Variants in DAB1 observed in about 807,000 individuals in gnomAD.
DAB1 encodes the protein disabled homolog 1.
DAB1 carries 15 observed loss-of-function variants against 64.6 expected under a neutral mutation model. The observed-to-expected ratio is 0.23, with a 90% confidence interval of 0.16 to 0.36. The LOEUF (loss-of-function observed/expected upper bound fraction) is 0.36. DAB1 is among the 10% of genes least tolerant of loss of function. The pLI, the probability that DAB1 is intolerant of heterozygous loss-of-function variation, is 1.00. For missense variants in DAB1, 596 were observed against 706.7 expected, an observed-to-expected ratio of 0.84 and a Z score of 1.78; for synonymous variants, 235 against 251.9, an observed-to-expected ratio of 0.93 and a Z score of 0.64.
intron 5 of DAB1, among the ~76,000 whole-genome samples, chr1:57,952,782 A>G (rs1203245950): frequency 6.6e-6 from 1 of 152,160 alleles, no homozygotes; most frequent in Non-Finnish European, 1.5e-5. Context: ...TCATAGGAGG[A>G]GGGCTCTAAG....
At chr1:58,406,256 AC>A (rs1300388893) in intron 3 of DAB1, among the ~76,000 whole-genome samples, 1 of 152,090 alleles carries the variant, frequency 6.6e-6, no homozygotes, top group Non-Finnish European at 1.5e-5. Context: ...CCTGCAACAG[AC>A]CGTAGGAGAC....
At chr1:58,330,576 C>T (rs1340501424) in intron 4 of DAB1, among the ~76,000 whole-genome samples, 2 of 152,208 alleles carry the variant, frequency 1.3e-5, no homozygotes, top group Middle Eastern at 3.2e-3. Flanking sequence ...GGTTTCAAAG[C>T]TTCAAAGCAC....
chr1:56,998,154 C>T (rs1645705402), intron 14 of DAB1, 26 bp from the exon 15 acceptor site: 1 of 152,568 alleles, frequency 6.6e-6, no homozygotes, highest in Non-Finnish European at 1.5e-5. Context: ...CAAAGTGAGG[C>T]CTGCTCTTTA....
At chr1:57,479,902 C>T (rs897509168) in intron 7 of DAB1, among the ~76,000 whole-genome samples, 1 of 152,000 alleles carries the variant, frequency 6.6e-6, no homozygotes, top group African/African-American at 2.4e-5. Context: ...GCCTGTAATC[C>T]CAGCACTTTG....
At chr1:57,838,706 TG>T (rs1351367874) in intron 1 of DAB1, among the ~76,000 whole-genome samples, 1 of 152,100 alleles carries the variant, frequency 6.6e-6, no homozygotes, top group Non-Finnish European at 1.5e-5. Flanking sequence ...ATTCAAAGAA[TG>T]AGACAAACTG....
Position 58,348,469 on chromosome 1 carries a change from A to T in DAB1, n.258-5066T>A, listed in dbSNP as rs142279553. ...TTTGTTTGAGGTTTCAGTTTTCTTG[A>T]TGTTGCTAGCAGATGCTCTATGTTT... On this transcript the variant is annotated intron_variant and non_coding_transcript_variant, in intron 3 of 20. Coordinates refer to the DAB1 transcript ENST00000485760. 6.2e-4 allele frequency among the ~76,000 whole-genome samples: 95 copies of T among 152,262 alleles called. No individual in the cohort carries two copies. In the East Asian group the frequency reaches 0.018, roughly 28 times the overall value.
intron 4 of DAB1, among the ~76,000 whole-genome samples, chr1:58,339,652 T>C (rs554786801): frequency 1.3e-5 from 2 of 152,282 alleles, no homozygotes; most frequent in East Asian, 1.9e-4. Flanking sequence ...TTGCTCACCT[T>C]CTGGAGCCAG....
intron 1 of DAB1, among the ~76,000 whole-genome samples, chr1:57,422,574 C>T (rs1052058778): frequency 1.3e-5 from 2 of 151,896 alleles, no homozygotes; most frequent in East Asian, 1.9e-4. Context: ...CGCGTCGCGG[C>T]GCTCTCCACT....
intron 7 of DAB1, among the ~76,000 whole-genome samples, chr1:57,502,153 T>C (rs1644296158): frequency 6.6e-6 from 1 of 151,688 alleles, no homozygotes; most frequent in South Asian, 2.1e-4. Context: ...ACCCCGTCTC[T>C]ACTGAAAAAT....
At chr1:57,025,377 A>T (rs1219649226) in intron 10 of DAB1, among the ~76,000 whole-genome samples, 1 of 152,166 alleles carries the variant, frequency 6.6e-6, no homozygotes, top group Non-Finnish European at 1.5e-5. Context: ...GTGGCTGGGA[A>T]TCCAGAGCTT....
Position 57,372,666 on chromosome 1 carries a change from A to G in DAB1, c.-137+51264T>C, listed in dbSNP as rs1246830709. 2.6e-5 allele frequency among the ~76,000 whole-genome samples: 4 copies of G among 151,680 alleles called. No homozygotes were observed. In the South Asian group the frequency reaches 6.2e-4, roughly 24 times the overall value. On this transcript the variant is annotated intron_variant, in intron 1 of 14. Coordinates refer to ENST00000371236, the MANE Select transcript of DAB1 (RefSeq NM_001365792.1). The stretch of plus-strand genomic sequence containing the variant: ...CATCTAAGCTCCTGTTTTTTTTTCT[A>G]TCGAGGCTGAAGAGCTTTTTAAAAA...
At chr1:58,357,785 TAGAGAGACAGGACAGAGAC>T (rs57115300) in intron 3 of DAB1, among the ~76,000 whole-genome samples, 70,308 of 151,906 alleles carry the variant, frequency 0.46, 16,748 homozygotes, top group East Asian at 0.59. Flanking sequence ...AACAAGGATC[TAGAGAGACAGGACAGAGAC>T]CTGTGAAATC....
chr1:57,678,325 T>C (rs925255912), intron 6 of DAB1, among the ~76,000 whole-genome samples: 1 of 152,164 alleles, frequency 6.6e-6, no homozygotes, highest in African/African-American at 2.4e-5. Context: ...AACAGTAAAC[T>C]CAAACGCTGT....
intron 1 of DAB1, among the ~76,000 whole-genome samples, chr1:57,335,825 A>G (rs1481350757): frequency 6.6e-6 from 1 of 152,240 alleles, no homozygotes; most frequent in East Asian, 1.9e-4. Context: ...AATCAAGTAC[A>G]CAGGAATTAT....
chr1:58,053,101 T>A (rs1320805466), intron 5 of DAB1, among the ~76,000 whole-genome samples: 1 of 152,176 alleles, frequency 6.6e-6, no homozygotes, highest in Non-Finnish European at 1.5e-5. Flanking sequence ...AATGGCTTAA[T>A]CTATTCATGA....
At chr1:58,106,622 T>C (rs953865327) in intron 5 of DAB1, among the ~76,000 whole-genome samples, 14 of 152,338 alleles carry the variant, frequency 9.2e-5, no homozygotes, top group African/African-American at 3.1e-4. Context: ...GTTGCAACAC[T>C]GAAATTGTGG....
intron 5 of DAB1, among the ~76,000 whole-genome samples, chr1:57,946,436 G>T (rs1645184776): frequency 6.6e-6 from 1 of 152,148 alleles, no homozygotes; most frequent in Non-Finnish European, 1.5e-5. Context: ...AAATTGTGCT[G>T]CCATTTATAT....
intron 2 of DAB1, among the ~76,000 whole-genome samples, chr1:57,216,850 C>T (rs532597259): frequency 3.3e-5 from 5 of 152,220 alleles, no homozygotes; most frequent in Admixed American, 1.3e-4. Context: ...CACTACTTGA[C>T]GTAAGGCAGG....
chr1:57,730,020 G>A (rs1473907759), intron 6 of DAB1, among the ~76,000 whole-genome samples: 1 of 152,216 alleles, frequency 6.6e-6, no homozygotes, highest in African/African-American at 2.4e-5. Context: ...TCTGTGCCCA[G>A]GTCTGATAGA....
Sources: allele counts gnomAD v4.1 joint callset (sites outside exome capture counted in the v4.1 genomes callset), GRCh38; gene constraint gnomAD v4.1.1; transcripts MANE v1.5; gene names NCBI Gene and HGNC (gene_info 2026-07-23, HGNC 2026-07-21).